Variants in KIRREL3 observed in about 807,000 individuals in gnomAD.
KIRREL3 encodes the protein kirre like nephrin family adhesion molecule 3.
KIRREL3 carries 36 observed loss-of-function variants against 89.7 expected under a neutral mutation model. The ratio of observed to expected loss-of-function variants is 0.40; its 90% CI spans 0.31 to 0.53. The LOEUF is 0.53. Among genes scored for constraint, KIRREL3 ranks in the 20% least tolerant of loss-of-function variants. KIRREL3 has a pLI of 0.49. For missense variants in KIRREL3, 864 were observed against 1,056.6 expected (o/e 0.82, Z 2.53); for synonymous variants, 445 against 441.4 (o/e 1.01, Z -0.10).
At chr11:126,674,691 T>C (rs879344408) in intron 1 of KIRREL3, among the ~76,000 whole-genome samples, 32 of 152,190 alleles carry the variant, frequency 2.1e-4, no homozygotes, top group Admixed American at 8.5e-4. Flanking sequence ...GAGGAGTTAG[T>C]GGAGAAGGAT....
chr11:126,620,114 C>T lies in KIRREL3; in HGVS notation c.56-57202G>A, dbSNP rs1033975696. On this transcript the variant is annotated intron_variant, in intron 1 of 16. Coordinates refer to ENST00000525144, the MANE Select transcript of KIRREL3 (RefSeq NM_032531.4). The surrounding 1 kb of genome is among the most constrained non-coding windows in gnomAD (Gnocchi z 4.8). ...GCTGTTTGCCCACACAGTGGGCAATCGAATCTGGTGGTCTTATAACACTTG... is the reference window on the plus strand; with the variant it reads ...GCTGTTTGCCCACACAGTGGGCAATTGAATCTGGTGGTCTTATAACACTTG... Among the ~76,000 whole-genome samples, 24 of 152,214 alleles carry T rather than the reference C, an allele frequency of 1.6e-4. No individual in the cohort carries two copies. The highest frequency in any genetic ancestry group is 4.6e-4 in the African/African-American group (19 of 41,452).
chr11:126,546,362 A>G (rs1436243104), intron 2 of KIRREL3, among the ~76,000 whole-genome samples: 1 of 151,912 alleles, frequency 6.6e-6, no homozygotes, highest in African/African-American at 2.4e-5. Flanking sequence ...TAGTTCTCCT[A>G]CCTCCCAGGG....
intron 1 of KIRREL3, among the ~76,000 whole-genome samples, chr11:126,654,797 T>TTTA (rs1565623476): frequency 2.0e-5 from 3 of 152,128 alleles, no homozygotes; most frequent in African/African-American, 7.2e-5. Context: ...CATTATTTTT[T>TTTA]TTTATTTTTT....
chr11:126,919,975 C>T (rs1947203828), intron 1 of KIRREL3, among the ~76,000 whole-genome samples: 1 of 152,148 alleles, frequency 6.6e-6, no homozygotes, highest in Admixed American at 6.5e-5. Flanking sequence ...ATTTATTGAA[C>T]AATGACTACA....
At chr11:126,767,665 T>C (rs1354264767) in intron 1 of KIRREL3, among the ~76,000 whole-genome samples, 3 of 152,194 alleles carry the variant, frequency 2.0e-5, no homozygotes, top group African/African-American at 7.2e-5. Flanking sequence ...CCTTTTACTC[T>C]TTTAAGGAAT....
chr11:126,435,385 G>T lies in KIRREL3; in HGVS notation c.1553-82C>A, dbSNP rs535056808. Reference sequence around the variant, plus strand: ...GGGACTGGGAATTAGCTGCTTGAGCGGGGCTGGGTGAGGGGCTCCTTTCCC... The same window carrying T: ...GGGACTGGGAATTAGCTGCTTGAGCTGGGCTGGGTGAGGGGCTCCTTTCCC... On this transcript the variant is annotated intron_variant, in intron 12 of 16. Transcript: ENST00000525144. 15 of 1,384,466 alleles carry T rather than the reference G, an allele frequency of 1.1e-5. No homozygotes were observed. The South Asian group carries it at 1.6e-4, about 15-fold the overall frequency. The allele number at this position is 1,384,466 out of a possible 1,614,324, so 85.8% of individuals were successfully genotyped here.
chr11:126,847,977 G>A (rs1944205611), intron 1 of KIRREL3, among the ~76,000 whole-genome samples: 1 of 152,164 alleles, frequency 6.6e-6, no homozygotes, highest in South Asian at 2.1e-4. Flanking sequence ...TTTCTTTAAG[G>A]AATCAAACTT....
At position 126,431,127 on chromosome 11, in the gene KIRREL3, T is replaced by G; in HGVS notation, c.1696+292A>C. On this transcript the variant is annotated intron_variant, in intron 14 of 16. Transcript: ENST00000525144. The surrounding 1 kb of genome is among the most constrained non-coding windows in gnomAD (Gnocchi z 7.1). Reference sequence around the variant, plus strand: ...CACAAACCGCTTTTCCCCCTATCTTTCTGTACAGTTCCTGACTGAAAGAGC... The same window carrying G: ...CACAAACCGCTTTTCCCCCTATCTTGCTGTACAGTTCCTGACTGAAAGAGC... The G allele has an allele frequency of 7.0e-7, 1 of 1,421,908 alleles. No individual in the cohort carries two copies. Among genetic ancestry groups the G allele is most frequent in the South Asian group, 1.6e-5 (1 of 64,056 alleles). 88.1% of individuals were successfully genotyped at this position (1,421,908 alleles called of 1,614,324 possible). A position where few individuals can be genotyped will look rare whatever the true frequency, so the allele number is the denominator to read the frequency against.
intron 5 of KIRREL3, among the ~76,000 whole-genome samples, chr11:126,468,970 A>G (rs947348011): frequency 1.3e-5 from 2 of 152,202 alleles, no homozygotes; most frequent in African/African-American, 2.4e-5. Context: ...CGAGGTCCAT[A>G]GTGGGGTGGA....
chr11:126,432,023 G>A lies in KIRREL3; in HGVS notation c.1589-497C>T, dbSNP rs1032273000. Among the ~76,000 whole-genome samples the A allele has an allele frequency of 2.0e-5, 3 of 152,038 alleles. No individual in the cohort carries two copies. Among genetic ancestry groups the A allele is most frequent in the Admixed American group, 2.0e-4 (3 of 15,252 alleles). The stretch of plus-strand genomic sequence containing the variant: ...TCTCGGGTGAATATAGAGGACATCC[G>A]GCTCTTAGTGTTTGCAGGTCTAAGT... On this transcript the variant is annotated intron_variant, in intron 13 of 16. Transcript: ENST00000525144. The surrounding 1 kb of genome is among the most constrained non-coding windows in gnomAD (Gnocchi z 6.2).
Position 126,747,109 on chromosome 11 carries a change from A to T in KIRREL3, c.56-184197T>A, listed in dbSNP as rs962690660. On this transcript the variant is annotated intron_variant, in intron 1 of 16. Transcript: ENST00000525144. The surrounding 1 kb of genome is among the most constrained non-coding windows in gnomAD (Gnocchi z 4.7). Reference sequence around the variant, plus strand: ...GAAGACCTTTCCTAAAATGACTGGAATCGCCTCAGCTGTGTAGCTAACTTG... The same window carrying T: ...GAAGACCTTTCCTAAAATGACTGGATTCGCCTCAGCTGTGTAGCTAACTTG... Among the ~76,000 whole-genome samples the T allele has an allele frequency of 6.6e-6, 1 of 152,240 alleles. No individual in the cohort carries two copies. The highest frequency in any genetic ancestry group is 2.4e-5 in the African/African-American group (1 of 41,472).
At chr11:126,425,093 C>T in intron 16 of KIRREL3, 70 bp from the exon 17 acceptor site, 1 of 1,374,220 alleles carries the variant, frequency 7.3e-7, no homozygotes, top group South Asian at 1.5e-5. Flanking sequence ...GGTTTCCAGG[C>T]TGAGCCCGTC....
chr11:126,785,216 T>C (rs1441783718), intron 1 of KIRREL3, among the ~76,000 whole-genome samples: 1 of 152,194 alleles, frequency 6.6e-6, no homozygotes, highest in Non-Finnish European at 1.5e-5. Flanking sequence ...TTGTTTTTTG[T>C]CATTTACACG....
chr11:126,789,638 C>T (rs989205944), intron 1 of KIRREL3, among the ~76,000 whole-genome samples: 1 of 152,188 alleles, frequency 6.6e-6, no homozygotes, highest in Non-Finnish European at 1.5e-5. Flanking sequence ...ATCTTGAGGT[C>T]CCTCTGTCTC....
intron 2 of KIRREL3, among the ~76,000 whole-genome samples, chr11:126,538,046 C>T (rs572150013): frequency 6.6e-6 from 1 of 151,278 alleles, no homozygotes; most frequent in Non-Finnish European, 1.5e-5. Context: ...CAGAGCAGCA[C>T]CTGTCTTGCA....
chr11:126,963,413 G>T (rs1949158665), intron 1 of KIRREL3, among the ~76,000 whole-genome samples: 1 of 151,986 alleles, frequency 6.6e-6, no homozygotes, highest in Non-Finnish European at 1.5e-5. Context: ...ATTAAAAGAA[G>T]ATAAATCAAC....
At position 126,766,143 on chromosome 11, in the gene KIRREL3, A is replaced by G. The variant is rs1231962248; in HGVS notation, c.56-203231T>C. ...TCGCTAATGTTGTGAGTGAGCTAGA[A>G]CAATCATCTCTTAGGATGCCCACAC... On this transcript the variant is annotated intron_variant, in intron 1 of 16. Transcript: ENST00000525144. The surrounding 1 kb of genome is among the most constrained non-coding windows in gnomAD (Gnocchi z 4.2). Among the ~76,000 whole-genome samples, 1 of 151,848 alleles carries G rather than the reference A, an allele frequency of 6.6e-6. No individual in the cohort carries two copies. Among genetic ancestry groups the G allele is most frequent in the Non-Finnish European group, 1.5e-5 (1 of 67,972 alleles).
At chr11:126,963,939 G>A (rs1007107039) in intron 1 of KIRREL3, among the ~76,000 whole-genome samples, 10 of 152,124 alleles carry the variant, frequency 6.6e-5, no homozygotes, top group Non-Finnish European at 8.8e-5. Flanking sequence ...TGTCCATAAC[G>A]GAAGAGGGAT....
In KIRREL3 at chr11:126,922,121, G is replaced by GTCTGTCTGTCTATCTATCTA. The variant is rs61078651; in HGVS notation, c.55+78333_55+78334insTAGATAGATAGACAGACAGA. ...TATCTATCGATCTATCTATCTGTCT[G>GTCTGTCTGTCTATCTATCTA]TCTATCTATCTATCTATCTATCTAT... On this transcript the variant is annotated intron_variant, in intron 1 of 16. Coordinates refer to ENST00000525144, the MANE Select transcript of KIRREL3 (RefSeq NM_032531.4). 4.0e-3 allele frequency among the ~76,000 whole-genome samples: 563 copies of GTCTGTCTGTCTATCTATCTA among 140,064 alleles called. 10 individuals carry two copies. The highest frequency in any genetic ancestry group is 0.027 in the East Asian group (122 of 4,500). The allele number at this position is 140,064 out of a possible 152,430, so 91.9% of individuals were successfully genotyped here.
Sources: allele counts gnomAD v4.1 joint callset (sites outside exome capture counted in the v4.1 genomes callset), GRCh38; gene constraint gnomAD v4.1.1; non-coding constraint Gnocchi (gnomAD v3.1); transcripts MANE v1.5; gene names NCBI Gene and HGNC (gene_info 2026-07-23, HGNC 2026-07-21).